Variants in RNF19A observed in about 807,000 individuals in gnomAD.
The protein encoded by RNF19A is E3 ubiquitin-protein ligase RNF19A.
In RNF19A, 32 loss-of-function variants were observed where a neutral mutation model predicts 75.7. That is an observed-to-expected ratio of 0.42 (90% CI 0.32 to 0.57). RNF19A has a LOEUF of 0.57. Among genes scored for constraint, RNF19A ranks in the 20% least tolerant of loss-of-function variants. The probability of loss-of-function intolerance (pLI) is 0.10; values close to 1 mark genes in which losing one functional copy is unlikely to be tolerated. For missense variants in RNF19A, 782 were observed against 1,036.3 expected (o/e 0.75, Z 3.37); for synonymous variants, 335 against 345.2 (o/e 0.97, Z 0.33).
rs1402909307 is a variant in RNF19A, at chr8:100,269,607, G to T, written c.1028+262C>A. Among the ~76,000 whole-genome samples the T allele has an allele frequency of 3.3e-5, 5 of 152,154 alleles. No homozygotes were observed. The highest frequency in any genetic ancestry group is 2.6e-4 in the Admixed American group (4 of 15,282). On this transcript the variant is annotated intron_variant, in intron 4 of 9. Transcript: ENST00000341084. The surrounding 1 kb of genome is among the most constrained non-coding windows in gnomAD (Gnocchi z 5.7). ...GAAAATTAAATGAAAGTATTTATGG[G>T]TCTAGCATAATTACACAGGGTATTA...
chr8:100,324,887 T>TTC lies in RNF19A; in HGVS notation c.-243+11219_-243+11220dup, dbSNP rs10649423. ...CTCTCTTTCTCTTTTTTTTCTTTCTTTCTCTCTCTCTCTTTCTCTCTTTCT... is the reference window on the plus strand; with the variant it reads ...CTCTCTTTCTCTTTTTTTTCTTTCTTTCTCTCTCTCTCTCTTTCTCTCTTTCT... On this transcript the variant is annotated intron_variant, in intron 1 of 3. Transcript: ENST00000519527. This position sits in a 1 kb window ranked among gnomAD's most constrained non-coding sequence, Gnocchi z 4.2. Among the ~76,000 whole-genome samples the TTC allele has an allele frequency of 0.45, 67,025 of 148,050 alleles. 16,140 individuals carry two copies. Among genetic ancestry groups the TTC allele is most frequent in the African/African-American group, 0.63 (24,911 of 39,552 alleles).
Position 100,259,143 on chromosome 8 carries a change from T to C in RNF19A, c.1930A>G (p.Ser644Gly). The change falls in exon 10 of 10, where the codon AGT becomes GGT. Residue 644 changes from serine to glycine, a missense_variant. Ser to Gly is a moderately conservative substitution (Grantham distance 56). Transcript: ENST00000341084. This position sits in a 1 kb window ranked among gnomAD's most constrained non-coding sequence, Gnocchi z 4.5. The stretch of plus-strand genomic sequence containing the variant: ...CCACTGGATGAACCGCCAGCATGAC[T>C]TCGGGTGGCACTGCCATCATCCACA... ...SSVDDGSATRSHAGGSSSGLP... is the reference protein window; with the variant it reads ...SSVDDGSATRGHAGGSSSGLP... 1 of 1,614,200 alleles carries C rather than the reference T, an allele frequency of 6.2e-7. No homozygotes were observed. Among genetic ancestry groups the C allele is most frequent in the Non-Finnish European group, 8.5e-7 (1 of 1,180,028 alleles).
At chr8:100,276,741 A>G (rs1011541146) in intron 2 of RNF19A, among the ~76,000 whole-genome samples, 4 of 151,820 alleles carry the variant, frequency 2.6e-5, no homozygotes, top group African/African-American at 9.7e-5. Flanking sequence ...AAAAAAAAAA[A>G]AAGAAAAAAA....
chr8:100,272,368 A>G (rs577338521), intron 3 of RNF19A, among the ~76,000 whole-genome samples: 216 of 147,562 alleles, frequency 1.5e-3, no homozygotes, highest in African/African-American at 4.9e-3. Context: ...GTGACTGGGG[A>G]AAAAAAACAA....
intron 1 of RNF19A, among the ~76,000 whole-genome samples, chr8:100,318,406 C>T (rs1660312): frequency 6.6e-6 from 1 of 151,984 alleles, no homozygotes; most frequent in Non-Finnish European, 1.5e-5. Flanking sequence ...GAATTTTTCT[C>T]GTGCTATATT....
rs1240954421 is a variant in RNF19A at position 100,330,254 on chromosome 8, G to T, written c.-243+5854C>A. On this transcript the variant is annotated intron_variant, in intron 1 of 3. Coordinates refer to the RNF19A transcript ENST00000519527. This position sits in a 1 kb window ranked among gnomAD's most constrained non-coding sequence, Gnocchi z 4.1. ...TTTGTTAAGGAAGGGAACAACTGTC[G>T]TTTGATCTTGTTTTTGACCATAGTG... Among the ~76,000 whole-genome samples the T allele has an allele frequency of 1.3e-5, 2 of 152,132 alleles. No individual in the cohort carries two copies. Among genetic ancestry groups the T allele is most frequent in the Non-Finnish European group, 2.9e-5 (2 of 68,026 alleles).
chr8:100,276,856 CTG>C (rs1035264451), intron 2 of RNF19A, among the ~76,000 whole-genome samples: 4 of 151,536 alleles, frequency 2.6e-5, no homozygotes, highest in African/African-American at 9.7e-5. Context: ...ACTAAATACA[CTG>C]TGCAGAAATA....
chr8:100,276,723 C>CAAAAAAAAAAAA (rs60419107), intron 2 of RNF19A, among the ~76,000 whole-genome samples: 2 of 80,596 alleles, frequency 2.5e-5, no homozygotes, highest in Non-Finnish European at 2.8e-5. Context: ...ACCACTGTAC[C>CAAAAAAAAAAAA]AAAAAAAAAA....
At position 100,264,486 on chromosome 8, in the gene RNF19A, C is replaced by T; in HGVS notation, c.1306+185G>A. On this transcript the variant is annotated intron_variant, in intron 6 of 9. Coordinates refer to ENST00000341084, the MANE Select transcript of RNF19A (RefSeq NM_183419.4). The surrounding 1 kb of genome is among the most constrained non-coding windows in gnomAD (Gnocchi z 4.7). ...GGGGTGGAGTGGGGAGGAAGGGTAT[C>T]AGCCACTAACAATTTACCAACTACT... 3.4e-6 allele frequency: 2 copies of T among 590,226 alleles called. No homozygotes were observed. The highest frequency in any genetic ancestry group is 5.9e-6 in the Non-Finnish European group (2 of 337,176). 36.6% of individuals were successfully genotyped at this position (590,226 alleles called of 1,614,324 possible).
upstream of RNF19A, chr8:100,313,233 C>T (rs146134826): frequency 2.8e-6 from 2 of 714,224 alleles, no homozygotes; most frequent in Non-Finnish European, 1.7e-6. Context: ...TTGCATGGTG[C>T]TTACATTGGG....
chr8:100,308,656 A>G (rs1330206058), intron 1 of RNF19A, among the ~76,000 whole-genome samples: 2 of 150,296 alleles, frequency 1.3e-5, no homozygotes, highest in African/African-American at 4.9e-5. Flanking sequence ...ATAAGAAAAG[A>G]TATTTTAAAA....
intron 1 of RNF19A, among the ~76,000 whole-genome samples, chr8:100,299,715 G>C (rs902138258): frequency 6.6e-6 from 1 of 151,984 alleles, no homozygotes; most frequent in Non-Finnish European, 1.5e-5. Context: ...CCAAGATTGT[G>C]CCATTGCACT....
chr8:100,304,816 G>A (rs187288577), intron 1 of RNF19A, among the ~76,000 whole-genome samples: 50 of 152,254 alleles, frequency 3.3e-4, no homozygotes, highest in Non-Finnish European at 7.4e-5. Flanking sequence ...ACTGAGCCTT[G>A]CTCTGACTAG....
chr8:100,310,192 T>C, upstream of RNF19A: 1 of 985,362 alleles, frequency 1.0e-6, no homozygotes, highest in Non-Finnish European at 1.2e-6. Context: ...GCCGCCCGCG[T>C]GCTGTGCGTC....
intron 1 of RNF19A, among the ~76,000 whole-genome samples, chr8:100,292,628 A>G (rs752167798): frequency 3.1e-4 from 47 of 152,064 alleles, no homozygotes; most frequent in Non-Finnish European, 6.2e-4. Flanking sequence ...ATCCCTTCAC[A>G]TGTTTTCTAC....
Position 100,268,963 on chromosome 8 carries a change from A to G in RNF19A, c.1029-16T>C, listed in dbSNP as rs532238686. 1.6e-5 allele frequency: 25 copies of G among 1,563,590 alleles called. No homozygotes were observed. The South Asian group carries it at 2.5e-4, about 16-fold the overall frequency. On this transcript the variant is annotated splice_polypyrimidine_tract_variant and intron_variant, in intron 4 of 9. Transcript: ENST00000341084. ...TCCTGATGGACTAACGGAAAAAATT[A>G]TAATGTAAATAACTGCTGCAAAACA...
At chr8:100,263,341 A>G (rs1185667212) in intron 7 of RNF19A, among the ~76,000 whole-genome samples, 2 of 152,160 alleles carry the variant, frequency 1.3e-5, no homozygotes, top group Non-Finnish European at 2.9e-5. Flanking sequence ...TACTGTTAAG[A>G]TGAGGACCAA....
chr8:100,298,168 A>T (rs890216743), intron 1 of RNF19A, among the ~76,000 whole-genome samples: 4 of 150,938 alleles, frequency 2.7e-5, no homozygotes, highest in South Asian at 2.1e-4. Flanking sequence ...AAGATAGCAC[A>T]AATGTACCTA....
intron 1 of RNF19A, among the ~76,000 whole-genome samples, chr8:100,321,037 C>T (rs921696915): frequency 3.3e-5 from 5 of 152,178 alleles, no homozygotes; most frequent in African/African-American, 9.7e-5. Flanking sequence ...GAGAGTCTTG[C>T]CTCGATGTTG....
Sources: allele counts gnomAD v4.1 joint callset (sites outside exome capture counted in the v4.1 genomes callset), GRCh38; gene constraint gnomAD v4.1.1; non-coding constraint Gnocchi (gnomAD v3.1); transcripts MANE v1.5; gene names NCBI Gene and HGNC (gene_info 2026-07-23, HGNC 2026-07-21).